RNF13: variants seen among roughly 807,000 people sequenced by gnomAD.
The protein encoded by RNF13 is E3 ubiquitin-protein ligase RNF13.
A neutral mutation model predicts 37.7 loss-of-function variants in RNF13; 19 were observed. The observed-to-expected ratio is 0.50, with a 90% CI of 0.35 to 0.74. The LOEUF (loss-of-function observed/expected upper bound fraction) is 0.74. RNF13 is among the 30% of genes least tolerant of loss of function. The probability of loss-of-function intolerance (pLI) is 0.01; values close to 1 mark genes in which losing one functional copy is unlikely to be tolerated. For missense variants in RNF13, 375 were observed against 453.0 expected, an observed-to-expected ratio of 0.83 and a Z score of 1.56; for synonymous variants, 144 against 157.8, an observed-to-expected ratio of 0.91 and a Z score of 0.65.
chr3:149,838,869 AAG>A (rs1463748053), intron 1 of RNF13, among the ~76,000 whole-genome samples: 1 of 140,618 alleles, frequency 7.1e-6, no homozygotes, highest in Non-Finnish European at 1.5e-5. Context: ...ATCAGGCTGC[AAG>A]TTTTCTGAAC....
intron 1 of RNF13, among the ~76,000 whole-genome samples, chr3:149,820,366 A>G (rs868773667): frequency 3.3e-5 from 5 of 152,136 alleles, no homozygotes; most frequent in Non-Finnish European, 5.9e-5. Flanking sequence ...CTCTGTTTCT[A>G]ATGATAGAAA....
At chr3:149,922,429 CAGG>C (rs1418135278) in intron 8 of RNF13, among the ~76,000 whole-genome samples, 2 of 152,160 alleles carry the variant, frequency 1.3e-5, no homozygotes, top group East Asian at 1.9e-4. Context: ...CTGGTGAAAG[CAGG>C]AGAAGGATGC....
At chr3:149,873,540 A>G (rs1339875142) in intron 4 of RNF13, among the ~76,000 whole-genome samples, 1 of 152,084 alleles carries the variant, frequency 6.6e-6, no homozygotes. Context: ...CTTGAATTTT[A>G]TGTTGCAGCC....
intron 8 of RNF13, among the ~76,000 whole-genome samples, chr3:149,958,272 G>A (rs6806908): frequency 0.21 from 32,327 of 152,154 alleles, 3,791 homozygotes; most frequent in Middle Eastern, 0.34. Context: ...CAGCAGGACT[G>A]TGTTCCTTTC....
intron 6 of RNF13, among the ~76,000 whole-genome samples, chr3:149,911,096 G>A (rs1208866878): frequency 6.6e-6 from 1 of 152,118 alleles, no homozygotes; most frequent in African/African-American, 2.4e-5. Flanking sequence ...TAACTCTTAT[G>A]AATTATTTGA....
intron 1 of RNF13, among the ~76,000 whole-genome samples, chr3:149,827,312 T>C (rs1720600847): frequency 6.6e-6 from 1 of 152,228 alleles, no homozygotes. Context: ...GTATACCATC[T>C]GTGGTAAGGA....
Position 149,960,070 on chromosome 3 carries a change from G to A in RNF13, c.715G>A (p.Val239Ile). Reference sequence around the variant, plus strand: ...TCTGTTTTCAGGAGATGAGTATGATGTATGTGCCATTTGTTTGGATGAGTA... The same window carrying A: ...TCTGTTTTCAGGAGATGAGTATGATATATGTGCCATTTGTTTGGATGAGTA... ...HKFKKGDEYDVCAICLDEYED... is the reference protein window; with the variant it reads ...HKFKKGDEYDICAICLDEYED... The change falls in exon 9 of 10, where the codon GTA (valine) becomes ATA (isoleucine). Residue 239 changes from valine to isoleucine, a missense_variant. Val to Ile is a conservative substitution (Grantham distance 29, BLOSUM62 3). Coordinates refer to ENST00000392894, the MANE Select transcript of RNF13 (RefSeq NM_183381.3). 2.5e-6 allele frequency: 4 copies of A among 1,611,342 alleles called. No individual in the cohort carries two copies. The highest frequency in any genetic ancestry group is 3.4e-6 in the Non-Finnish European group (4 of 1,177,558).
chr3:149,945,965 G>GA (rs1480011191), intron 8 of RNF13, among the ~76,000 whole-genome samples: 2 of 152,114 alleles, frequency 1.3e-5, no homozygotes, highest in East Asian at 1.9e-4. Context: ...CAAAGATGGG[G>GA]AAAAAACAGA....
At chr3:149,914,775 T>A (rs999798782) in intron 7 of RNF13, among the ~76,000 whole-genome samples, 5 of 151,934 alleles carry the variant, frequency 3.3e-5, no homozygotes, top group African/African-American at 1.2e-4. Context: ...GCGTCTCTAC[T>A]AAAAATACAA....
intron 1 of RNF13, among the ~76,000 whole-genome samples, chr3:149,831,165 C>T (rs1720999189): frequency 6.6e-6 from 1 of 152,204 alleles, no homozygotes; most frequent in African/African-American, 2.4e-5. Flanking sequence ...AGTGTTGGAG[C>T]CCCCACACAG....
At chr3:149,866,078 T>C (rs1172206857) in intron 3 of RNF13, among the ~76,000 whole-genome samples, 1 of 152,004 alleles carries the variant, frequency 6.6e-6, no homozygotes, top group East Asian at 1.9e-4. Context: ...AATTTCCTGA[T>C]GTCATGACAT....
chr3:149,938,177 T>A (rs1458915673), intron 8 of RNF13, among the ~76,000 whole-genome samples: 1 of 151,468 alleles, frequency 6.6e-6, no homozygotes, highest in Non-Finnish European at 1.5e-5. Flanking sequence ...TTTTTTAAAA[T>A]TTTTTATTTA....
At chr3:149,904,672 C>CT (rs1697575396) in intron 6 of RNF13, among the ~76,000 whole-genome samples, 1 of 152,134 alleles carries the variant, frequency 6.6e-6, no homozygotes, top group South Asian at 2.1e-4. Flanking sequence ...TATATAAACT[C>CT]TGAGTCAAAA....
At chr3:149,958,128 C>A (rs937938874) in intron 8 of RNF13, among the ~76,000 whole-genome samples, 4 of 152,070 alleles carry the variant, frequency 2.6e-5, no homozygotes, top group African/African-American at 4.8e-5. Flanking sequence ...TAAAGATAAC[C>A]CAAATATACC....
chr3:149,859,846 C>G (rs1292514236), intron 3 of RNF13, among the ~76,000 whole-genome samples: 1 of 152,006 alleles, frequency 6.6e-6, no homozygotes, highest in Admixed American at 6.6e-5. Context: ...ATGTCAATGT[C>G]ATTTTTCACA....
upstream of RNF13, chr3:149,813,169 C>G (rs1283400352): frequency 6.6e-6 from 1 of 152,458 alleles, no homozygotes; most frequent in Non-Finnish European, 1.5e-5. Context: ...TTTTCTGTGC[C>G]TTTGGGTGCG....
At chr3:149,928,090 A>C (rs1454733354) in intron 8 of RNF13, among the ~76,000 whole-genome samples, 3 of 150,884 alleles carry the variant, frequency 2.0e-5, no homozygotes, top group Non-Finnish European at 4.4e-5. Flanking sequence ...GGATTGAAAG[A>C]CTTAATATTG....
intron 7 of RNF13, among the ~76,000 whole-genome samples, chr3:149,916,794 A>C (rs991496445): frequency 4.6e-5 from 7 of 152,214 alleles, no homozygotes; most frequent in Non-Finnish European, 1.0e-4. Flanking sequence ...ACATTATTAA[A>C]TGGTGAAATG....
In RNF13 at chr3:149,911,933, TAAC is replaced by T. The variant is rs774650030; in HGVS notation, c.501-41_501-39del. On this transcript the variant is annotated intron_variant, in intron 6 of 9. Transcript: ENST00000392894. ...CCTGTTTTTAATTAACATCAGAATT[TAAC>T]AACTCTTCATTTCTCAATTATTGAT... The T allele has an allele frequency of 4.0e-6, 4 of 996,124 alleles. 1 individual carries two copies. In the South Asian group the frequency reaches 4.0e-5, roughly 10 times the overall value. 61.7% of individuals were successfully genotyped at this position (996,124 alleles called of 1,614,324 possible).
Sources: allele counts gnomAD v4.1 joint callset (sites outside exome capture counted in the v4.1 genomes callset), GRCh38; gene constraint gnomAD v4.1.1; transcripts MANE v1.5; gene names NCBI Gene and HGNC (gene_info 2026-07-23, HGNC 2026-07-21).